The following CTNNA3 variants were observed in gnomAD, a reference collection of about 807,000 sequenced individuals.
CTNNA3 encodes catenin alpha-3.
In CTNNA3, 76 loss-of-function variants were observed where a neutral mutation model predicts 95.7. That is an observed-to-expected ratio of 0.79 (90% CI 0.66 to 0.96). CTNNA3 has a LOEUF of 0.96. Ranked by LOEUF, CTNNA3 falls within the 40% of genes least tolerant of loss-of-function variation. The probability of loss-of-function intolerance (pLI) is 0.00; values close to 1 mark genes in which losing one functional copy is unlikely to be tolerated. For missense variants in CTNNA3, 1,191 were observed against 1,089.8 expected, an observed-to-expected ratio of 1.09 and a Z score of -1.31; for synonymous variants, 431 against 374.4, an observed-to-expected ratio of 1.15 and a Z score of -1.74.
intron 7 of CTNNA3, among the ~76,000 whole-genome samples, chr10:67,145,803 A>G (rs1860814307): frequency 6.6e-6 from 1 of 152,184 alleles, no homozygotes; most frequent in Non-Finnish European, 1.5e-5. Context: ...CTAAGCTAAT[A>G]ATAATAGGAA....
chr10:67,743,291 A>T (rs1347234826), intron 1 of CTNNA3, among the ~76,000 whole-genome samples: 3 of 151,204 alleles, frequency 2.0e-5, no homozygotes, highest in Non-Finnish European at 4.4e-5. Flanking sequence ...CACATCAAAA[A>T]GCTTATCCAC....
At chr10:66,609,366 G>T (rs962895598) in intron 10 of CTNNA3, among the ~76,000 whole-genome samples, 4 of 146,730 alleles carry the variant, frequency 2.7e-5, no homozygotes, top group Non-Finnish European at 6.0e-5. Context: ...CCCAGCCAAA[G>T]GTCTATTATC....
chr10:67,706,006 A>T (rs1841076807), intron 1 of CTNNA3, among the ~76,000 whole-genome samples: 1 of 152,110 alleles, frequency 6.6e-6, no homozygotes, highest in Non-Finnish European at 1.5e-5. Flanking sequence ...TGAAGCAGAA[A>T]GCAGGTGCTT....
chr10:67,206,180 C>A (rs1389055651), intron 6 of CTNNA3, among the ~76,000 whole-genome samples: 1 of 152,096 alleles, frequency 6.6e-6, no homozygotes, highest in Non-Finnish European at 1.5e-5. Context: ...TTAGGATGAA[C>A]TATGTATGTA....
At chr10:66,330,276 G>A (rs1350584702) in intron 12 of CTNNA3, among the ~76,000 whole-genome samples, 2 of 148,188 alleles carry the variant, frequency 1.3e-5, no homozygotes, top group Non-Finnish European at 3.0e-5. Flanking sequence ...GTGTCCCTGT[G>A]TTCTCATTGT....
intron 5 of CTNNA3, among the ~76,000 whole-genome samples, chr10:67,331,670 A>G (rs140183183): frequency 6.6e-6 from 1 of 152,188 alleles, no homozygotes; most frequent in African/African-American, 2.4e-5. Context: ...ATATGTGTTA[A>G]CATTCTTGAG....
At chr10:66,204,242 T>A (rs1299621175) in intron 13 of CTNNA3, among the ~76,000 whole-genome samples, 1 of 152,126 alleles carries the variant, frequency 6.6e-6, no homozygotes, top group Non-Finnish European at 1.5e-5. Context: ...GTTCTTTGGT[T>A]GACAATGTTA....
chr10:67,047,923 G>T (rs1854852204), intron 7 of CTNNA3, among the ~76,000 whole-genome samples: 1 of 151,958 alleles, frequency 6.6e-6, no homozygotes, highest in Non-Finnish European at 1.5e-5. Flanking sequence ...GGTGTTAAAA[G>T]ATAATCTTGG....
At chr10:67,243,017 T>C (rs145881170) in intron 5 of CTNNA3, among the ~76,000 whole-genome samples, 11 of 152,288 alleles carry the variant, frequency 7.2e-5, no homozygotes, top group African/African-American at 2.6e-4. Context: ...CTATTAGCCA[T>C]ATTCCCTCTT....
At chr10:66,138,360 TACTG>T (rs1221642561) in intron 13 of CTNNA3, among the ~76,000 whole-genome samples, 1 of 152,216 alleles carries the variant, frequency 6.6e-6, no homozygotes, top group Non-Finnish European at 1.5e-5. Context: ...AAACTTTGAA[TACTG>T]ACTATCTTTG....
In CTNNA3 at chr10:66,780,443, G is replaced by A. The variant is rs1840485573; in HGVS notation, c.1048-4919C>T. ...GGTAGGAGGATGACTGGCAGATGCT[G>A]GCAGGTGAAGGAAAGAGAACAATCT... On this transcript the variant is annotated intron_variant, in intron 7 of 17. Transcript: ENST00000433211. Among the ~76,000 whole-genome samples the A allele has an allele frequency of 2.0e-5, 3 of 152,042 alleles. No individual in the cohort carries two copies. In the South Asian group the frequency reaches 6.2e-4, roughly 32 times the overall value.
chr10:67,205,613 GT>G (rs1431777638), intron 6 of CTNNA3, among the ~76,000 whole-genome samples: 1 of 152,152 alleles, frequency 6.6e-6, no homozygotes, highest in East Asian at 1.9e-4. Context: ...ACAGAGTGAA[GT>G]GTGGATTCAA....
chr10:66,186,636 C>T (rs2086358517), intron 13 of CTNNA3, among the ~76,000 whole-genome samples: 1 of 152,040 alleles, frequency 6.6e-6, no homozygotes, highest in South Asian at 2.1e-4. Flanking sequence ...TATCTGAACT[C>T]AGGTTATTGT....
intron 11 of CTNNA3, among the ~76,000 whole-genome samples, chr10:66,463,473 G>A (rs918070431): frequency 1.3e-5 from 2 of 152,084 alleles, no homozygotes; most frequent in Non-Finnish European, 2.9e-5. Context: ...TCAATTACAC[G>A]CTCTCACATA....
intron 1 of CTNNA3, among the ~76,000 whole-genome samples, chr10:67,726,154 AATAT>A (rs1198903686): frequency 9.8e-6 from 1 of 102,402 alleles, no homozygotes; most frequent in Non-Finnish European, 1.7e-5. Flanking sequence ...TATATATTAT[AATAT>A]ATAATCTTAT....
chr10:67,460,777 T>C (rs1454044402), intron 5 of CTNNA3, among the ~76,000 whole-genome samples: 1 of 151,840 alleles, frequency 6.6e-6, no homozygotes, highest in Non-Finnish European at 1.5e-5. Flanking sequence ...GTAATATTAA[T>C]CATAAAAGAA....
chr10:67,647,616 C>A (rs901908416), intron 1 of CTNNA3, 98 bp from the exon 2 acceptor site: 33 of 887,740 alleles, frequency 3.7e-5, no homozygotes, highest in Admixed American at 1.4e-4. Context: ...TTGTATTCAG[C>A]ACCTCTTCCT....
intron 10 of CTNNA3, among the ~76,000 whole-genome samples, chr10:66,609,108 G>A (rs991358298): frequency 1.3e-5 from 2 of 151,456 alleles, no homozygotes; most frequent in Non-Finnish European, 2.9e-5. Context: ...CGCCCAGGCT[G>A]GACTGCAGTG....
intron 5 of CTNNA3, among the ~76,000 whole-genome samples, chr10:67,311,303 G>C (rs959571409): frequency 5.9e-5 from 9 of 152,086 alleles, no homozygotes; most frequent in Non-Finnish European, 1.2e-4. Context: ...AAGTGAGACA[G>C]ATAAAGGAAG....
Sources: allele counts gnomAD v4.1 joint callset (sites outside exome capture counted in the v4.1 genomes callset), GRCh38; gene constraint gnomAD v4.1.1; transcripts MANE v1.5; gene names NCBI Gene and HGNC (gene_info 2026-07-23, HGNC 2026-07-21).